TTLL5: variants seen among roughly 807,000 people sequenced by gnomAD.
TTLL5 encodes tubulin polyglutamylase TTLL5.
TTLL5 carries 132 observed loss-of-function variants against 168.4 expected under a neutral mutation model. That is an observed-to-expected ratio of 0.78 (90% CI 0.68 to 0.91). TTLL5 has a LOEUF of 0.91. Among genes scored for constraint, TTLL5 ranks in the 40% least tolerant of loss-of-function variants. The pLI, the probability that TTLL5 is intolerant of heterozygous loss-of-function variation, is 0.00. For missense variants in TTLL5, 1,545 were observed against 1,581.5 expected, an observed-to-expected ratio of 0.98 and a Z score of 0.39; for synonymous variants, 546 against 558.6, an observed-to-expected ratio of 0.98 and a Z score of 0.32.
Position 75,927,688 on chromosome 14 carries a change from G to C in TTLL5, c.3823+25464G>C, listed in dbSNP as rs74067082. On this transcript the variant is annotated intron_variant, in intron 31 of 31. Coordinates refer to ENST00000298832, the MANE Select transcript of TTLL5 (RefSeq NM_015072.5). ...CTGCCCCTGCTGTTTTATCCTCCCA[G>C]GAAAGGTGGTGTGCCTAGGGGACAG... is the stretch of plus-strand genomic sequence containing the variant. Among the ~76,000 whole-genome samples the C allele has an allele frequency of 7.6e-3, 1,164 of 152,272 alleles. 16 individuals are homozygous for C. Among genetic ancestry groups the C allele is most frequent in the African/African-American group, 0.027 (1,102 of 41,550 alleles).
At chr14:75,745,244 A>G in intron 16 of TTLL5, 36 bp downstream of exon 16, 2 of 1,596,158 alleles carry the variant, frequency 1.3e-6, no homozygotes, top group Non-Finnish European at 1.7e-6. Flanking sequence ...TTGTGGGTTA[A>G]CACAGGGTTT....
At chr14:75,947,752 CTG>C (rs2034820576) in intron 31 of TTLL5, among the ~76,000 whole-genome samples, 1 of 151,908 alleles carries the variant, frequency 6.6e-6, no homozygotes, top group African/African-American at 2.4e-5. Flanking sequence ...TGAGACCAGT[CTG>C]GGCAACAAAG....
chr14:75,837,816 C>T (rs1384887485), intron 28 of TTLL5, among the ~76,000 whole-genome samples: 1 of 151,962 alleles, frequency 6.6e-6, no homozygotes, highest in African/African-American at 2.4e-5. Context: ...TTTCATTAAA[C>T]ATATATATAT....
At chr14:75,818,487 CTTTTCT>C in intron 27 of TTLL5, 2 of 394,930 alleles carry the variant, frequency 5.1e-6, no homozygotes. Context: ...TTTTTCTTTT[CTTTTCT>C]TTTTTTTTTT....
chr14:75,851,012 G>C (rs570567759), intron 28 of TTLL5, among the ~76,000 whole-genome samples: 1 of 148,070 alleles, frequency 6.8e-6, no homozygotes, highest in Non-Finnish European at 1.5e-5. Flanking sequence ...CGGAGGGATT[G>C]CTTGAGCCTG....
At chr14:75,907,976 C>G (rs2033214443) in intron 31 of TTLL5, among the ~76,000 whole-genome samples, 1 of 152,256 alleles carries the variant, frequency 6.6e-6, no homozygotes, top group African/African-American at 2.4e-5. Flanking sequence ...TATAATATCA[C>G]TTTCCTTGAA....
intron 12 of TTLL5, among the ~76,000 whole-genome samples, chr14:75,726,982 T>C (rs1453827532): frequency 6.6e-6 from 1 of 152,224 alleles, no homozygotes; most frequent in Admixed American, 6.5e-5. Context: ...GGAACCAAGC[T>C]GACATTAGTT....
Position 75,719,740 on chromosome 14 carries a change from A to G in TTLL5, c.848A>G (p.Asp283Gly). The part of the protein sequence containing the change: ...NKKSGDYVSC[D>G]DPEVEDYGNK... ...GATTTATTAATTTGTTTTAGTTGTG[A>G]CGATCCAGAAGTGGAGGATTATGGA... The change falls in exon 11 of 32, where the codon GAC (aspartate) becomes GGC (glycine). Residue 283 changes from aspartate (D) to glycine (G), a missense_variant. Coordinates refer to ENST00000298832, the MANE Select transcript of TTLL5 (RefSeq NM_015072.5). The G allele has an allele frequency of 6.2e-7, 1 of 1,607,760 alleles. No homozygotes were observed. Among genetic ancestry groups the G allele is most frequent in the African/African-American group, 1.3e-5 (1 of 74,506 alleles).
Position 75,707,753 on chromosome 14 carries a change from G to C in TTLL5, c.740+46G>C. ...GAAGGGGTTGGGTGGGTATATTAAG[G>C]GTGGGTATATTAAGAGTGGATCCAT... is the stretch of plus-strand genomic sequence containing the variant. On this transcript the variant is annotated intron_variant, in intron 9 of 31. Transcript: ENST00000298832. The C allele has an allele frequency of 2.7e-6, 4 of 1,469,152 alleles. No individual in the cohort carries two copies. The South Asian group carries it at 4.6e-5, about 17-fold the overall frequency. 91.0% of individuals were successfully genotyped at this position (1,469,152 alleles called of 1,614,324 possible). A position where few individuals can be genotyped will look rare whatever the true frequency, so the allele number is the denominator to read the frequency against.
At chr14:75,735,070 G>A in intron 14 of TTLL5, 125 bp from the exon 15 acceptor site, 1 of 816,814 alleles carries the variant, frequency 1.2e-6, no homozygotes, top group East Asian at 2.5e-5. Context: ...TTATGCTCCT[G>A]AGGATAGATC....
Position 75,763,118 on chromosome 14 carries a change from TAAA to T in TTLL5, c.1551-1490_1551-1488del, listed in dbSNP as rs543149911. On this transcript the variant is annotated intron_variant, in intron 18 of 31. Coordinates refer to ENST00000298832, the MANE Select transcript of TTLL5 (RefSeq NM_015072.5). ...TATAGTTATCAAATTTGACCAAGTT[TAAA>T]AAAAAATACAAAATTGACCAAGTTA... Among the ~76,000 whole-genome samples, 498 of 151,502 alleles carry T rather than the reference TAAA, an allele frequency of 3.3e-3. 2 individuals carry two copies. Among genetic ancestry groups the T allele is most frequent in the African/African-American group, 0.011 (464 of 41,336 alleles).
intron 31 of TTLL5, among the ~76,000 whole-genome samples, chr14:75,928,641 GAGAA>G (rs2140161796): frequency 6.6e-6 from 1 of 152,148 alleles, no homozygotes; most frequent in African/African-American, 2.4e-5. Context: ...CGTGAGGACA[GAGAA>G]AGTGGCATGT....
At chr14:75,753,772 C>G (rs557793071) in intron 18 of TTLL5, among the ~76,000 whole-genome samples, 1 of 152,126 alleles carries the variant, frequency 6.6e-6, no homozygotes, top group Middle Eastern at 3.2e-3. Context: ...AAGACAGAAT[C>G]TCATTTCTTT....
chr14:75,874,566 T>C (rs2031308862), intron 29 of TTLL5, among the ~76,000 whole-genome samples: 1 of 152,228 alleles, frequency 6.6e-6, no homozygotes, highest in African/African-American at 2.4e-5. Flanking sequence ...GATAAGTAAA[T>C]TTAATCCTTT....
intron 6 of TTLL5, among the ~76,000 whole-genome samples, chr14:75,694,429 TG>T (rs1885682086): frequency 6.6e-6 from 1 of 150,484 alleles, no homozygotes; most frequent in African/African-American, 2.5e-5. Flanking sequence ...CTCTGCCTCC[TG>T]GGTTCAAGCA....
chr14:75,887,025 C>A, intron 30 of TTLL5: 5 of 1,317,312 alleles, frequency 3.8e-6, no homozygotes, highest in Non-Finnish European at 4.8e-6. Flanking sequence ...CCTTAAATAG[C>A]TGAGATGACC....
chr14:75,934,768 C>T (rs1437445615), intron 31 of TTLL5, among the ~76,000 whole-genome samples: 1 of 152,092 alleles, frequency 6.6e-6, no homozygotes, highest in Non-Finnish European at 1.5e-5. Flanking sequence ...ACAATCTTGG[C>T]TGATGGAGAA....
intron 28 of TTLL5, among the ~76,000 whole-genome samples, chr14:75,825,370 A>C (rs1895063636): frequency 6.6e-6 from 1 of 152,132 alleles, no homozygotes. Flanking sequence ...GAGGATGGGA[A>C]GGCATCAGAG....
At chr14:75,739,331 A>G (rs1465639361) in intron 15 of TTLL5, among the ~76,000 whole-genome samples, 1 of 151,912 alleles carries the variant, frequency 6.6e-6, no homozygotes, top group African/African-American at 2.4e-5. Flanking sequence ...TGTACTTTGC[A>G]ATGTTCTATT....
Sources: allele counts gnomAD v4.1 joint callset (sites outside exome capture counted in the v4.1 genomes callset), GRCh38; gene constraint gnomAD v4.1.1; transcripts MANE v1.5; gene names NCBI Gene and HGNC (gene_info 2026-07-23, HGNC 2026-07-21).